The following CATSPERT variants were observed in gnomAD, a reference collection of about 807,000 sequenced individuals.
CATSPERT encodes the protein catsper channel auxiliary subunit tau.
the CATSPERT span, among the ~76,000 whole-genome samples, chr2:201,565,273 C>T: frequency 6.7e-6 from 1 of 148,248 alleles, no homozygotes; most frequent in Non-Finnish European, 1.5e-5. Context: ...GAGTTCGAGA[C>T]CAGACTGGTC....
At chr2:201,616,744 A>T in the CATSPERT span, among the ~76,000 whole-genome samples, 2 of 152,202 alleles carry the variant, frequency 1.3e-5, no homozygotes, top group Admixed American at 1.3e-4. Flanking sequence ...AGGGTATTCA[A>T]TTAGGAAAAG....
chr2:201,610,932 T>TA, the CATSPERT span, among the ~76,000 whole-genome samples: 39 of 151,260 alleles, frequency 2.6e-4, no homozygotes, highest in Admixed American at 4.6e-4. Flanking sequence ...CCCTTCATGA[T>TA]AAAAAAAAAT....
the CATSPERT span, among the ~76,000 whole-genome samples, chr2:201,562,332 C>T: frequency 1.3e-5 from 2 of 151,262 alleles, no homozygotes; most frequent in Admixed American, 6.6e-5. Context: ...GGACTACAGG[C>T]GCCCACCACC....
At chr2:201,528,344 G>T in the CATSPERT span, among the ~76,000 whole-genome samples, 1 of 152,256 alleles carries the variant, frequency 6.6e-6, no homozygotes. Context: ...ACTGTGAAAA[G>T]CTGTTTGGAG....
the CATSPERT span, among the ~76,000 whole-genome samples, chr2:201,540,674 G>T: frequency 6.6e-6 from 1 of 152,158 alleles, no homozygotes; most frequent in South Asian, 2.1e-4. Flanking sequence ...AATGCACCTG[G>T]TCATCCAAGA....
the CATSPERT span, among the ~76,000 whole-genome samples, chr2:201,508,278 A>C: frequency 1.3e-5 from 2 of 152,244 alleles, no homozygotes; most frequent in African/African-American, 2.4e-5. Flanking sequence ...AAGGGTGCCA[A>C]AGGCAGGAAT....
At chr2:201,504,386 G>C in the CATSPERT span, among the ~76,000 whole-genome samples, 1 of 152,182 alleles carries the variant, frequency 6.6e-6, no homozygotes, top group Non-Finnish European at 1.5e-5. Flanking sequence ...ACCAGAAATA[G>C]AGCTTGGTCA....
the CATSPERT span, among the ~76,000 whole-genome samples, chr2:201,603,614 C>T: frequency 6.6e-6 from 1 of 152,168 alleles, no homozygotes; most frequent in African/African-American, 2.4e-5. Context: ...TAGCACCCTG[C>T]ATATAAAATT....
chr2:201,520,081 T>C, the CATSPERT span, among the ~76,000 whole-genome samples: 10 of 152,142 alleles, frequency 6.6e-5, no homozygotes, highest in South Asian at 2.1e-3. Context: ...TGAAGAACAT[T>C]ATATAATAAT....
the CATSPERT span, chr2:201,604,536 C>A: frequency 6.8e-6 from 6 of 880,638 alleles, no homozygotes; most frequent in South Asian, 4.7e-5. Flanking sequence ...CAGAGAGAAC[C>A]ATTTTCTGCA....
the CATSPERT span, among the ~76,000 whole-genome samples, chr2:201,509,169 T>A: frequency 6.6e-6 from 1 of 150,896 alleles, no homozygotes; most frequent in African/African-American, 2.5e-5. Context: ...TTATTTTCTT[T>A]TCTTTTGATA....
the CATSPERT span, chr2:201,491,484 T>G: frequency 2.0e-6 from 3 of 1,536,416 alleles, no homozygotes; most frequent in Non-Finnish European, 2.6e-6. Flanking sequence ...TTTGTATTTC[T>G]TTTTTGTATT....
chr2:201,567,668 T>C, the CATSPERT span, among the ~76,000 whole-genome samples: 1 of 152,202 alleles, frequency 6.6e-6, no homozygotes, highest in Non-Finnish European at 1.5e-5. Context: ...AATTCTCTCT[T>C]ACCCCAGGGT....
chr2:201,531,565 G>C, the CATSPERT span, among the ~76,000 whole-genome samples: 1 of 152,128 alleles, frequency 6.6e-6, no homozygotes, highest in South Asian at 2.1e-4. Flanking sequence ...TGGATGGGTA[G>C]ATAATTACTT....
chr2:201,606,520 T>C, the CATSPERT span, among the ~76,000 whole-genome samples: 133,116 of 152,224 alleles, frequency 0.87, 59,277 homozygotes, highest in South Asian at 0.98. Flanking sequence ...CCAGATAACA[T>C]TTTACTCTTG....
chr2:201,578,521 T>G, the CATSPERT span, among the ~76,000 whole-genome samples: 1 of 152,096 alleles, frequency 6.6e-6, no homozygotes, highest in East Asian at 1.9e-4. Flanking sequence ...AATTTTTAAT[T>G]TCAGATATTT....
At chr2:201,518,053 C>T in the CATSPERT span, among the ~76,000 whole-genome samples, 2 of 152,184 alleles carry the variant, frequency 1.3e-5, no homozygotes. Context: ...GAGCCCCTGA[C>T]ATAAGCTTGC....
the CATSPERT span, among the ~76,000 whole-genome samples, chr2:201,529,923 C>T: frequency 1.3e-5 from 2 of 151,918 alleles, no homozygotes; most frequent in Admixed American, 1.3e-4. Flanking sequence ...AAACAAATAA[C>T]CTAATTTTAA....
chr2:201,574,191 T>C, the CATSPERT span: 2 of 1,567,380 alleles, frequency 1.3e-6, 1 homozygote, highest in South Asian at 2.4e-5. Flanking sequence ...AATAATCTTT[T>C]AAAAGAGGGG....
Sources: gnomAD v4.1 joint callset for allele counts (sites outside exome capture counted in the v4.1 genomes callset) on GRCh38, gnomAD v4.1.1 for gene constraint, MANE v1.5 for transcripts, NCBI Gene and HGNC (gene_info 2026-07-23, HGNC 2026-07-21) for gene names.